The following NRG3 variants were observed in gnomAD, a reference collection of about 807,000 sequenced individuals.
NRG3 encodes the protein pro-neuregulin-3, membrane-bound isoform.
Under a neutral mutation model 66.9 loss-of-function variants are expected in NRG3, and 31 were observed. The ratio of observed to expected loss-of-function variants is 0.46; its 90% confidence interval spans 0.35 to 0.63. The LOEUF is 0.63. Among genes scored for constraint, NRG3 ranks in the 20% least tolerant of loss-of-function variants. NRG3 has a pLI of 0.00. For missense variants in NRG3, 910 were observed against 878.9 expected (o/e 1.04, Z -0.45); for synonymous variants, 393 against 359.4 (o/e 1.09, Z -1.06).
At chr10:82,832,776 AAGAC>A (rs1262167178) in intron 3 of NRG3, among the ~76,000 whole-genome samples, 19 of 151,252 alleles carry the variant, frequency 1.3e-4, no homozygotes, top group Admixed American at 2.6e-4. Context: ...AGGTTAAGAA[AAGAC>A]AGACAGAAGA....
At chr10:82,014,495 A>G (rs944974307) in intron 1 of NRG3, among the ~76,000 whole-genome samples, 1 of 152,208 alleles carries the variant, frequency 6.6e-6, no homozygotes, top group African/African-American at 2.4e-5. Context: ...TAGAGTTCTC[A>G]TGGGCTAGGC....
At chr10:82,063,693 G>A (rs1441178136) in intron 1 of NRG3, among the ~76,000 whole-genome samples, 2 of 151,492 alleles carry the variant, frequency 1.3e-5, no homozygotes, top group African/African-American at 2.4e-5. Context: ...GCTAAAGAAA[G>A]GAACTAAAGA....
intron 1 of NRG3, among the ~76,000 whole-genome samples, chr10:82,004,445 T>C (rs1564729829): frequency 6.6e-6 from 1 of 152,094 alleles, no homozygotes; most frequent in Non-Finnish European, 1.5e-5. Context: ...TCACACAATC[T>C]TCTCTCTTTT....
At chr10:82,700,206 A>G (rs961257898) in intron 2 of NRG3, among the ~76,000 whole-genome samples, 4 of 152,178 alleles carry the variant, frequency 2.6e-5, no homozygotes, top group Non-Finnish European at 4.4e-5. Flanking sequence ...TCTAGGTTAC[A>G]TGGTAGACTG....
At position 81,962,135 on chromosome 10, in the gene NRG3, G is replaced by A. The variant is rs777859793; in HGVS notation, c.823+85972G>A. ...CTCTGTGGAAAAAAAGCCAGGATCTGAATTGGGCAGAACTGAATCAGAATT... is the reference window on the plus strand; with the variant it reads ...CTCTGTGGAAAAAAAGCCAGGATCTAAATTGGGCAGAACTGAATCAGAATT... On this transcript the variant is annotated intron_variant, in intron 1 of 8. Transcript: ENST00000372141. 2.0e-5 allele frequency among the ~76,000 whole-genome samples: 3 copies of A among 152,232 alleles called. No homozygotes were observed. The East Asian group carries it at 5.8e-4, about 29-fold the overall frequency.
intron 2 of NRG3, among the ~76,000 whole-genome samples, chr10:82,466,050 T>A (rs1028920265): frequency 6.6e-5 from 10 of 152,158 alleles, no homozygotes; most frequent in Non-Finnish European, 1.0e-4. Flanking sequence ...CTGACTTCAT[T>A]GGCTCTGCCC....
At chr10:82,301,741 A>C (rs78747188) in intron 1 of NRG3, among the ~76,000 whole-genome samples, 3 of 143,434 alleles carry the variant, frequency 2.1e-5, no homozygotes, top group African/African-American at 7.5e-5. Flanking sequence ...ATAAAGAAGC[A>C]CTTTACCCTG....
chr10:81,917,620 G>GT (rs1845828494), intron 1 of NRG3, among the ~76,000 whole-genome samples: 1 of 152,168 alleles, frequency 6.6e-6, no homozygotes, highest in Non-Finnish European at 1.5e-5. Context: ...CATAACTATT[G>GT]TAAGAGGAGG....
At chr10:82,302,579 A>G (rs527902672) in intron 1 of NRG3, among the ~76,000 whole-genome samples, 1 of 152,266 alleles carries the variant, frequency 6.6e-6, no homozygotes, top group East Asian at 1.9e-4. Flanking sequence ...ATTTCCTAAT[A>G]CAAACATGAA....
intron 2 of NRG3, among the ~76,000 whole-genome samples, chr10:82,661,383 G>T (rs2052348415): frequency 6.6e-6 from 1 of 151,744 alleles, no homozygotes; most frequent in Non-Finnish European, 1.5e-5. Flanking sequence ...TAAATATATA[G>T]AATGTCTATT....
chr10:82,941,363 A>G (rs1347949814), intron 4 of NRG3, among the ~76,000 whole-genome samples: 1 of 151,562 alleles, frequency 6.6e-6, no homozygotes, highest in Non-Finnish European at 1.5e-5. Flanking sequence ...AGGCCATTGA[A>G]CTCTTTGTTC....
chr10:82,442,117 G>A (rs1399295997), intron 2 of NRG3, among the ~76,000 whole-genome samples: 1 of 152,132 alleles, frequency 6.6e-6, no homozygotes, highest in Non-Finnish European at 1.5e-5. Context: ...CTGGTCCCTT[G>A]CCTAGCATTA....
intron 1 of NRG3, among the ~76,000 whole-genome samples, chr10:81,947,979 C>A (rs543326426): frequency 6.6e-6 from 1 of 152,220 alleles, no homozygotes; most frequent in Non-Finnish European, 1.5e-5. Flanking sequence ...AGTGTTAATG[C>A]CTCCTTTGCA....
chr10:82,675,263 T>A (rs552369772), intron 2 of NRG3, among the ~76,000 whole-genome samples: 2 of 151,320 alleles, frequency 1.3e-5, no homozygotes, highest in Non-Finnish European at 2.9e-5. Flanking sequence ...GGCCTTGGGG[T>A]TTTTCAAAGA....
At chr10:82,557,096 A>AACTTAC (rs1413138234) in intron 2 of NRG3, among the ~76,000 whole-genome samples, 5 of 152,170 alleles carry the variant, frequency 3.3e-5, no homozygotes, top group Non-Finnish European at 7.3e-5. Context: ...TGCTGCAATG[A>AACTTAC]ACTTACACAT....
chr10:82,749,830 C>T (rs7922319), intron 3 of NRG3, among the ~76,000 whole-genome samples: 8,208 of 151,560 alleles, frequency 0.054, 676 homozygotes, highest in African/African-American at 0.17. Context: ...CAAGACTACC[C>T]GAAGATTAAA....
intron 4 of NRG3, among the ~76,000 whole-genome samples, chr10:82,904,300 G>A (rs751049711): frequency 6.6e-6 from 1 of 152,120 alleles, no homozygotes; most frequent in Non-Finnish European, 1.5e-5. Flanking sequence ...GCCCAGGGAA[G>A]CCAAAAGACT....
chr10:82,806,659 G>C (rs1195993146), intron 3 of NRG3, among the ~76,000 whole-genome samples: 1 of 152,180 alleles, frequency 6.6e-6, no homozygotes, highest in East Asian at 1.9e-4. Flanking sequence ...TGTACCATTA[G>C]TATATAAATC....
At chr10:81,882,357 A>G (rs1842253672) in intron 1 of NRG3, among the ~76,000 whole-genome samples, 1 of 152,182 alleles carries the variant, frequency 6.6e-6, no homozygotes, top group Non-Finnish European at 1.5e-5. Context: ...AGAGTCAGTC[A>G]TAACCATATT....
Sources: gnomAD v4.1 joint callset for allele counts (sites outside exome capture counted in the v4.1 genomes callset) on GRCh38, gnomAD v4.1.1 for gene constraint, MANE v1.5 for transcripts, NCBI Gene and HGNC (gene_info 2026-07-23, HGNC 2026-07-21) for gene names.